Variants in NUDT7 observed in about 807,000 individuals in gnomAD.
NUDT7 encodes nudix hydrolase 7, also known as peroxisomal coenzyme A diphosphatase NUDT7.
A neutral mutation model predicts 13.1 loss-of-function variants in NUDT7; 19 were observed. The ratio of observed to expected loss-of-function variants is 1.45; its 90% CI spans 1.01 to 2.13. NUDT7 has a LOEUF of 2.13. NUDT7 is among the 30% of genes most tolerant of loss of function. NUDT7 has a pLI of 0.00. For missense variants in NUDT7, 360 were observed against 291.7 expected (o/e 1.23, Z -1.71); for synonymous variants, 132 against 109.7 (o/e 1.20, Z -1.27).
rs1464736800 is a variant in NUDT7 at position 77,722,711 on chromosome 16, T to C, written c.35+94T>C. 3 of 1,270,676 alleles carry C rather than the reference T, an allele frequency of 2.4e-6. No individual in the cohort carries two copies. In the Admixed American group the frequency reaches 6.0e-5, roughly 25 times the overall value. 78.7% of individuals were successfully genotyped at this position (1,270,676 alleles called of 1,614,324 possible). A position where few individuals can be genotyped will look rare whatever the true frequency, so the allele number is the denominator to read the frequency against. On this transcript the variant is annotated intron_variant, in intron 1 of 3. Transcript: ENST00000268533. ...CGGGGCCTTTTGGCCGGGACTGATT[T>C]TGCAGCTCCCGCCAGTCCACCTGCG...
chr16:77,722,680 G>A, intron 1 of NUDT7, 63 bp downstream of exon 1: 2 of 1,477,660 alleles, frequency 1.4e-6, no homozygotes, highest in East Asian at 2.4e-5. Flanking sequence ...TCGTAGCGGA[G>A]GCCACCGGGG....
intron 1 of NUDT7, among the ~76,000 whole-genome samples, chr16:77,723,780 T>C (rs891561262): frequency 6.6e-6 from 1 of 151,856 alleles, no homozygotes; most frequent in African/African-American, 2.4e-5. Context: ...TTAGTAGAGG[T>C]GGGGTTTTAC....
chr16:77,735,694 T>A, intron 2 of NUDT7, 134 bp from the exon 3 acceptor site: 1 of 790,038 alleles, frequency 1.3e-6, no homozygotes, highest in Non-Finnish European at 2.1e-6. Context: ...TTGTGGGCAA[T>A]AGGGGTCTTG....
At chr16:77,722,901 G>A (rs1332898714) in intron 1 of NUDT7, among the ~76,000 whole-genome samples, 3 of 152,156 alleles carry the variant, frequency 2.0e-5, no homozygotes, top group South Asian at 2.1e-4. Flanking sequence ...TCCAGAGTTG[G>A]ACCCCAGGAC....
rs767444407 is a variant in NUDT7, at chr16:77,735,849, G to A, written c.211G>A (p.Val71Ile). 14 of 1,613,966 alleles carry A rather than the reference G, an allele frequency of 8.7e-6. 1 individual carries two copies. In the South Asian group the frequency reaches 1.5e-4, roughly 18 times the overall value. ...SEKLRRAPGE[V>I]CFPGGKRDPT... ...CCAGCTAAGAAGGGCCCCTGGAGAA[G>A]TTTGCTTCCCTGGAGGTAAGCGTGA... is the stretch of plus-strand genomic sequence containing the variant. Residue 71 changes from valine (V) to isoleucine (I), a missense_variant, in exon 3 of 4, where the codon GTT (valine) becomes ATT (isoleucine). Coordinates refer to ENST00000268533, the MANE Select transcript of NUDT7 (RefSeq NM_001105663.3).
rs200408443 is a variant in NUDT7, at chr16:77,725,506, T to A, written c.111T>A (p.Tyr37Ter). The change falls in exon 2 of 4, where the codon TAT (tyrosine) becomes TAA (stop). Residue 37 changes from tyrosine (Y) to a stop codon, truncating the protein, a stop_gained. Transcript: ENST00000268533. LOFTEE classifies it high-confidence loss of function. ...DIGGKYSHLP[Y>*]NKYSVLLPLV... ...GAGGCAAATATTCTCACTTGCCATA[T>A]AACAAATACTCCGTCCTTTTGCCAT... The A allele has an allele frequency of 1.1e-3, 1,752 of 1,614,046 alleles. 2 individuals carry two copies. The highest frequency in any genetic ancestry group is 1.4e-3 in the Non-Finnish European group (1,631 of 1,179,876).
intron 2 of NUDT7, among the ~76,000 whole-genome samples, chr16:77,727,058 T>G (rs1261785781): frequency 6.6e-6 from 1 of 152,162 alleles, no homozygotes; most frequent in Non-Finnish European, 1.5e-5. Context: ...AGTGCCAAGA[T>G]GATGGTGCTA....
chr16:77,727,936 A>C (rs1255500782), intron 2 of NUDT7, among the ~76,000 whole-genome samples: 1 of 152,210 alleles, frequency 6.6e-6, no homozygotes, highest in Non-Finnish European at 1.5e-5. Flanking sequence ...AAATCTAGAC[A>C]ATACTACAAA....
At position 77,742,082 on chromosome 16, in the gene NUDT7, T is replaced by C. The variant is rs950499843; in HGVS notation, c.*132T>C. The C allele has an allele frequency of 7.0e-7, 1 of 1,433,816 alleles. No homozygotes were observed. The highest frequency in any genetic ancestry group is 9.1e-7 in the Non-Finnish European group (1 of 1,101,130). 88.8% of individuals were successfully genotyped at this position (1,433,816 alleles called of 1,614,324 possible). On this transcript the variant is annotated 3_prime_UTR_variant, in exon 4 of 4. Transcript: ENST00000268533. The stretch of plus-strand genomic sequence containing the variant: ...TTCTGCAGTATGTAGTTAGAATCCT[T>C]GCCTCTTTTCCAGTTGCCTTCTATT...
chr16:77,726,077 T>G (rs1023105220), intron 2 of NUDT7, among the ~76,000 whole-genome samples: 1 of 152,122 alleles, frequency 6.6e-6, no homozygotes, highest in Non-Finnish European at 1.5e-5. Flanking sequence ...AGGGCCACTG[T>G]TTTAGACTAT....
rs1370859209 is a variant in NUDT7 at position 77,735,291 on chromosome 16, T to C, written c.190-537T>C. 2.2e-5 allele frequency: 9 copies of C among 407,940 alleles called. No homozygotes were observed. The East Asian group carries it at 3.2e-4, about 14-fold the overall frequency. The allele number at this position is 407,940 out of a possible 1,614,324, so 25.3% of individuals were successfully genotyped here. ...GGTGATTTGATCACGTGGGCGGATT[T>C]CCCCCTTGGTACTGTCATCACAATA... On this transcript the variant is annotated intron_variant, in intron 2 of 3. Transcript: ENST00000268533.
chr16:77,735,239 C>A (rs79304926), intron 2 of NUDT7, among the ~76,000 whole-genome samples: 8,501 of 152,144 alleles, frequency 0.056, 331 homozygotes, highest in East Asian at 0.16. Context: ...TCGTAAACCC[C>A]AATATTGGAC....
chr16:77,735,838 C>T lies in NUDT7; in HGVS notation c.200C>T (p.Ala67Val). The T allele has an allele frequency of 6.2e-7, 1 of 1,613,436 alleles. No individual in the cohort carries two copies. The highest frequency in any genetic ancestry group is 8.5e-7 in the Non-Finnish European group (1 of 1,179,526). ...FTVRSEKLRRAPGEVCFPGGK... is the reference protein window; with the variant it reads ...FTVRSEKLRRVPGEVCFPGGK... ...TCTTTCTATATCCAGCTAAGAAGGGCCCCTGGAGAAGTTTGCTTCCCTGGA... is the reference window on the plus strand; with the variant it reads ...TCTTTCTATATCCAGCTAAGAAGGGTCCCTGGAGAAGTTTGCTTCCCTGGA... Residue 67 changes from alanine to valine, a missense_variant, in exon 3 of 4, where the codon GCC becomes GTC. By Grantham distance (64) the Ala-to-Val change is moderately conservative (BLOSUM62 0). Coordinates refer to ENST00000268533, the MANE Select transcript of NUDT7 (RefSeq NM_001105663.3).
rs192387923 is a variant in NUDT7, at chr16:77,741,568, T to C, written c.349-14T>C. The stretch of plus-strand genomic sequence containing the variant: ...TTCACTTCTTAATTTGTCTGTTTTG[T>C]TTTCTGCTTTTAGACAGATACATTG... On this transcript the variant is annotated splice_polypyrimidine_tract_variant and intron_variant, in intron 3 of 3. Coordinates refer to ENST00000268533, the MANE Select transcript of NUDT7 (RefSeq NM_001105663.3). 6.4e-7 allele frequency: 1 copy of C among 1,573,870 alleles called. No homozygotes were observed. The highest frequency in any genetic ancestry group is 1.8e-5 in the Admixed American group (1 of 54,786).
In NUDT7 at chr16:77,741,956, T is replaced by G; in HGVS notation, c.*6T>G. On this transcript the variant is annotated 3_prime_UTR_variant, in exon 4 of 4. Transcript: ENST00000268533. ...AAGCTACAAGCAGGTTATGATTTAC[T>G]AGAGCAAGAGACAAAGAACTATTCA... 6.3e-7 allele frequency: 1 copy of G among 1,577,166 alleles called. No homozygotes were observed. The highest frequency in any genetic ancestry group is 8.6e-7 in the Non-Finnish European group (1 of 1,163,876).
intron 1 of NUDT7, among the ~76,000 whole-genome samples, chr16:77,724,238 G>C (rs2014056665): frequency 6.6e-6 from 1 of 151,996 alleles, no homozygotes; most frequent in South Asian, 2.1e-4. Flanking sequence ...TTCCCTGTGT[G>C]CATCTCTCCA....
At chr16:77,726,772 G>A (rs1034235212) in intron 2 of NUDT7, among the ~76,000 whole-genome samples, 3 of 152,122 alleles carry the variant, frequency 2.0e-5, no homozygotes, top group Non-Finnish European at 4.4e-5. Flanking sequence ...GCTCCAGCCT[G>A]AGGAACAGCG....
intron 2 of NUDT7, among the ~76,000 whole-genome samples, chr16:77,727,714 G>A (rs2014182603): frequency 6.6e-6 from 1 of 152,102 alleles, no homozygotes; most frequent in African/African-American, 2.4e-5. Flanking sequence ...AAATTAGCCA[G>A]GCGTGGTGGT....
intron 3 of NUDT7, chr16:77,737,571 C>T (rs1390121928): frequency 6.6e-6 from 1 of 152,046 alleles, no homozygotes; most frequent in African/African-American, 2.4e-5. Flanking sequence ...CTGCAAGCTC[C>T]GCCTCCCGGG....
Sources: allele counts gnomAD v4.1 joint callset (sites outside exome capture counted in the v4.1 genomes callset), GRCh38; gene constraint gnomAD v4.1.1; transcripts MANE v1.5; gene names NCBI Gene and HGNC (gene_info 2026-07-23, HGNC 2026-07-21).